ANXA8: variants seen among roughly 807,000 people sequenced by gnomAD.
ANXA8 encodes the protein annexin A8.
Under a neutral mutation model 26.8 loss-of-function variants are expected in ANXA8, and 9 were observed. The ratio of observed to expected loss-of-function variants is 0.34; its 90% CI spans 0.20 to 0.59. ANXA8 has a LOEUF of 0.59. Ranked by LOEUF, ANXA8 falls within the 20% of genes least tolerant of loss-of-function variation. ANXA8 has a pLI of 0.84. For missense variants in ANXA8, 83 were observed against 238.5 expected, an observed-to-expected ratio of 0.35 and a Z score of 4.29; for synonymous variants, 39 against 94.8, an observed-to-expected ratio of 0.41 and a Z score of 3.42.
At chr10:47,554,764 C>G in the ANXA8 span, among the ~76,000 whole-genome samples, 23 of 152,236 alleles carry the variant, frequency 1.5e-4, no homozygotes, top group South Asian at 4.1e-3. Context: ...GGTATTCACT[C>G]TGCATAGGCT....
the ANXA8 span, among the ~76,000 whole-genome samples, chr10:47,942,841 G>A: frequency 2.7e-5 from 4 of 145,490 alleles, no homozygotes; most frequent in Non-Finnish European, 4.5e-5. Flanking sequence ...AAGGCAGAGG[G>A]AGCCTTTAGT....
the ANXA8 span, among the ~76,000 whole-genome samples, chr10:47,570,642 C>T: frequency 2.7e-5 from 4 of 150,140 alleles, no homozygotes; most frequent in East Asian, 1.9e-4. Context: ...GTTATCCAAG[C>T]GTGATGGTGC....
the ANXA8 span, among the ~76,000 whole-genome samples, chr10:47,580,066 A>C: frequency 6.6e-6 from 1 of 151,016 alleles, no homozygotes; most frequent in African/African-American, 2.4e-5. Flanking sequence ...CTATAGGCAC[A>C]CAGCACCACA....
the ANXA8 span, among the ~76,000 whole-genome samples, chr10:47,604,229 TC>T: frequency 6.6e-6 from 1 of 152,248 alleles, no homozygotes; most frequent in Non-Finnish European, 1.5e-5. Context: ...AGTATACCAT[TC>T]TTTTAAGAAA....
chr10:47,953,087 G>A, the ANXA8 span, among the ~76,000 whole-genome samples: 2 of 150,544 alleles, frequency 1.3e-5, no homozygotes, highest in African/African-American at 4.9e-5. Context: ...TAAAATTTTC[G>A]AGGAAAAAAA....
chr10:47,918,360 A>G, the ANXA8 span, among the ~76,000 whole-genome samples: 1 of 15,350 alleles, frequency 6.5e-5, no homozygotes, highest in Non-Finnish European at 1.2e-4. Context: ...AGGGAGGGAG[A>G]GAGAGAGAGA....
the ANXA8 span, among the ~76,000 whole-genome samples, chr10:47,493,360 G>C: frequency 1.1e-3 from 165 of 148,212 alleles, no homozygotes; most frequent in African/African-American, 4.0e-3. Flanking sequence ...GCACTGCAGA[G>C]GCCTGGGGGA....
At chr10:47,749,304 A>T in the ANXA8 span, among the ~76,000 whole-genome samples, 26 of 146,370 alleles carry the variant, frequency 1.8e-4, no homozygotes, top group Non-Finnish European at 3.2e-4. Flanking sequence ...CATACACAAA[A>T]AATACTAAAG....
At chr10:47,920,672 T>C in the ANXA8 span, 1 of 107,640 alleles carries the variant, frequency 9.3e-6, no homozygotes, top group African/African-American at 3.5e-5. Context: ...TCTGCTACAG[T>C]GTTTTACAAG....
the ANXA8 span, among the ~76,000 whole-genome samples, chr10:47,498,146 C>T: frequency 4.0e-5 from 6 of 150,224 alleles, no homozygotes; most frequent in South Asian, 6.3e-4. Flanking sequence ...TAAGCAACTT[C>T]CCATTTTCTC....
chr10:47,737,516 T>C, the ANXA8 span, among the ~76,000 whole-genome samples: 4 of 151,900 alleles, frequency 2.6e-5, no homozygotes, highest in African/African-American at 9.7e-5. Context: ...GTCTGTTTCA[T>C]TGTTCTATAT....
the ANXA8 span, among the ~76,000 whole-genome samples, chr10:47,647,299 GTTTA>G: frequency 1.3e-5 from 2 of 149,416 alleles, no homozygotes; most frequent in African/African-American, 4.9e-5. Context: ...ACTTTTTTTT[GTTTA>G]TTTATATAGT....
At chr10:47,700,402 T>C in the ANXA8 span, among the ~76,000 whole-genome samples, 4 of 151,928 alleles carry the variant, frequency 2.6e-5, no homozygotes. Context: ...ATCAGTGAGA[T>C]AAAAGCTAAC....
At chr10:47,718,096 C>T in the ANXA8 span, among the ~76,000 whole-genome samples, 4 of 152,142 alleles carry the variant, frequency 2.6e-5, no homozygotes, top group Middle Eastern at 3.4e-3. Context: ...CAGGAGACTA[C>T]TTGGGTGATG....
At chr10:47,980,481 C>T in the ANXA8 span, among the ~76,000 whole-genome samples, 1 of 151,748 alleles carries the variant, frequency 6.6e-6, no homozygotes, top group Non-Finnish European at 1.5e-5. Context: ...AGAGTAATTG[C>T]TTCACTGAAA....
the ANXA8 span, among the ~76,000 whole-genome samples, chr10:47,755,202 CT>C: frequency 6.6e-6 from 1 of 151,638 alleles, no homozygotes; most frequent in East Asian, 1.9e-4. Flanking sequence ...TAATCCACCC[CT>C]CTCGGTCTCC....
At chr10:47,730,696 G>A in the ANXA8 span, among the ~76,000 whole-genome samples, 75 of 147,402 alleles carry the variant, frequency 5.1e-4, no homozygotes, top group African/African-American at 1.8e-3. Flanking sequence ...CAGATCCCTG[G>A]GAATTAAAGG....
At chr10:47,628,061 T>C in the ANXA8 span, among the ~76,000 whole-genome samples, 1 of 151,018 alleles carries the variant, frequency 6.6e-6, no homozygotes, top group Non-Finnish European at 1.5e-5. Flanking sequence ...TATTTATTCA[T>C]GCATTTGTAT....
the ANXA8 span, chr10:47,565,843 G>C: frequency 7.8e-7 from 1 of 1,281,444 alleles, no homozygotes; most frequent in African/African-American, 1.5e-5. Flanking sequence ...GCTGAGCCCG[G>C]GACGCGCGGA....
Sources: gnomAD v4.1 joint callset for allele counts (sites outside exome capture counted in the v4.1 genomes callset) on GRCh38, gnomAD v4.1.1 for gene constraint, MANE v1.5 for transcripts, NCBI Gene and HGNC (gene_info 2026-07-23, HGNC 2026-07-21) for gene names.